The following COL16A1 variants were observed in gnomAD, a reference collection of about 807,000 sequenced individuals.
COL16A1 encodes the protein collagen type XVI alpha 1 chain.
In COL16A1, 189 loss-of-function variants were observed where a neutral mutation model predicts 266.3. The ratio of observed to expected loss-of-function variants is 0.71; its 90% CI spans 0.63 to 0.80. The LOEUF (loss-of-function observed/expected upper bound fraction) is 0.80, where lower values mean the gene tolerates loss of function less well. Among genes scored for constraint, COL16A1 ranks in the 30% least tolerant of loss-of-function variants. The pLI, the probability that COL16A1 is intolerant of heterozygous loss-of-function variation, is 0.00. For missense variants in COL16A1, 1,928 were observed against 2,122.4 expected (o/e 0.91, Z 1.80); for synonymous variants, 740 against 782.3 (o/e 0.95, Z 0.90).
intron 20 of COL16A1, 30 bp from the exon 21 acceptor site, chr1:31,690,603 G>C (rs1644217618): frequency 1.2e-6 from 2 of 1,611,442 alleles, no homozygotes; most frequent in Non-Finnish European, 1.7e-6. Context: ...TAAGCGGGGA[G>C]CCTTCTGGCC....
rs957230995 is a variant in COL16A1, at chr1:31,685,301, C to T, written c.2016+338G>A. Among the ~76,000 whole-genome samples, 1 of 152,178 alleles carries T rather than the reference C, an allele frequency of 6.6e-6. No homozygotes were observed. The highest frequency in any genetic ancestry group is 1.5e-5 in the Non-Finnish European group (1 of 68,032). ...TGTACCACTAAGCACTTCACACACG[C>T]CATTACTAGGCTTTACTCTGTGCAG... On this transcript the variant is annotated intron_variant, in intron 29 of 70. Coordinates refer to ENST00000373672, the MANE Select transcript of COL16A1 (RefSeq NM_001856.4). This position sits in a 1 kb window ranked among gnomAD's most constrained non-coding sequence, Gnocchi z 4.0.
chr1:31,668,556 C>T lies in COL16A1; in HGVS notation c.3249+246G>A, dbSNP rs186998368. Reference sequence around the variant, plus strand: ...AGGGAGGGAGGGGAGCCCCCAGGGACGCTGCTGGAGGACAGGGGCTGTGCA... The same window carrying T: ...AGGGAGGGAGGGGAGCCCCCAGGGATGCTGCTGGAGGACAGGGGCTGTGCA... On this transcript the variant is annotated intron_variant, in intron 50 of 70. Coordinates refer to ENST00000373672, the MANE Select transcript of COL16A1 (RefSeq NM_001856.4). This position sits in a 1 kb window ranked among gnomAD's most constrained non-coding sequence, Gnocchi z 5.8. Among the ~76,000 whole-genome samples the T allele has an allele frequency of 1.2e-3, 189 of 152,228 alleles. No homozygotes were observed. Among genetic ancestry groups the T allele is most frequent in the Middle Eastern group, 0.01 (3 of 294 alleles).
At position 31,695,192 on chromosome 1, in the gene COL16A1, G is replaced by A. The variant is rs1644442384; in HGVS notation, c.975C>T (p.Asp325=). The change falls in exon 11 of 71, where the codon GAC becomes GAT. Residue 325 remains aspartate (D), a synonymous_variant. Transcript: ENST00000373672. ...ECPPCVHGAR[D]SNVTLAPSGP... ...ACACCCTCCATTCACTCACATTGCTGTCCCGGGCACCATGGACACAGGGCG... is the reference window on the plus strand; with the variant it reads ...ACACCCTCCATTCACTCACATTGCTATCCCGGGCACCATGGACACAGGGCG... 6.2e-7 allele frequency: 1 copy of A among 1,613,858 alleles called. No individual in the cohort carries two copies. The highest frequency in any genetic ancestry group is 8.5e-7 in the Non-Finnish European group (1 of 1,179,980).
At chr1:31,673,242 A>G (rs1363950693) in intron 44 of COL16A1, 1 of 316,322 alleles carries the variant, frequency 3.2e-6, no homozygotes, top group East Asian at 8.7e-5. Flanking sequence ...AAGGGAGCAA[A>G]GGAACAGCTG....
rs1183266209 is a variant in COL16A1, at chr1:31,662,356, T to G, written c.3659A>C (p.Lys1220Thr). ...CACCCTCAAGCCAGGCTTGCCGTCCTTCCCATCCAAACCATCCAGACCGGC... is the reference window on the plus strand; with the variant it reads ...CACCCTCAAGCCAGGCTTGCCGTCCGTCCCATCCAAACCATCCAGACCGGC... ...GPAGLDGLDG[K>T]DGKPGLRGDP... The change falls in exon 58 of 71, where the codon AAG becomes ACG. Residue 1220 changes from lysine (K) to threonine (T), a missense_variant. Lys to Thr is a moderately conservative substitution (Grantham distance 78, BLOSUM62 -1). Transcript: ENST00000373672. 1.3e-6 allele frequency: 2 copies of G among 1,502,592 alleles called. No individual in the cohort carries two copies. Among genetic ancestry groups the G allele is most frequent in the Non-Finnish European group, 1.8e-6 (2 of 1,106,102 alleles). 93.1% of individuals were successfully genotyped at this position (1,502,592 alleles called of 1,614,324 possible).
intron 2 of COL16A1, among the ~76,000 whole-genome samples, chr1:31,701,745 A>G (rs1644731721): frequency 6.6e-6 from 1 of 152,108 alleles, no homozygotes; most frequent in Non-Finnish European, 1.5e-5. Context: ...GGGAGAGCTC[A>G]CTGCCTGTTC....
chr1:31,654,418 A>G (rs7538900), intron 68 of COL16A1, among the ~76,000 whole-genome samples: 80 of 152,228 alleles, frequency 5.3e-4, no homozygotes, highest in African/African-American at 1.9e-3. Context: ...TGGCACATCA[A>G]TGTTGGATGA....
At chr1:31,655,581 A>G in intron 66 of COL16A1, 79 bp from the exon 67 acceptor site, 1 of 1,574,132 alleles carries the variant, frequency 6.4e-7, no homozygotes, top group Non-Finnish European at 8.6e-7. Context: ...CCACCCTCCC[A>G]CCAGGCCCCC....
At chr1:31,660,693 T>C (rs1641576909) in intron 61 of COL16A1, 55 bp from the exon 62 acceptor site, 3 of 1,608,740 alleles carry the variant, frequency 1.9e-6, no homozygotes, top group South Asian at 1.1e-5. Context: ...GCTTGCACCA[T>C]GTGGCTGTCG....
intron 40 of COL16A1, 93 bp from the exon 41 acceptor site, chr1:31,679,944 G>A (rs1366666296): frequency 1.3e-6 from 2 of 1,564,626 alleles, no homozygotes; most frequent in African/African-American, 1.4e-5. Context: ...GCTGGCTGGG[G>A]TGCGTGGCCC....
chr1:31,699,456 G>A (rs1339522124), intron 4 of COL16A1, among the ~76,000 whole-genome samples: 1 of 152,136 alleles, frequency 6.6e-6, no homozygotes, highest in East Asian at 1.9e-4. Context: ...TGGGAATTTG[G>A]ACTTCACACA....
In COL16A1 at chr1:31,680,032, C is replaced by T. The variant is rs757255929; in HGVS notation, c.2670+10G>A. 9.5e-5 allele frequency: 153 copies of T among 1,613,534 alleles called. No homozygotes were observed. Among genetic ancestry groups the T allele is most frequent in the Admixed American group, 2.3e-4 (14 of 59,964 alleles). The stretch of plus-strand genomic sequence containing the variant: ...CCCAGTTGGGGGAAGGCTCTCACAG[C>T]GCCACTTACCGGCATGCCAGAGAAG... On this transcript the variant is annotated intron_variant, in intron 40 of 70. Transcript: ENST00000373672.
chr1:31,695,361 A>T, intron 10 of COL16A1, 140 bp from the exon 11 acceptor site: 2 of 830,038 alleles, frequency 2.4e-6, no homozygotes, highest in Non-Finnish European at 2.0e-6. Flanking sequence ...GGAATCCTAT[A>T]AAACAAGCCT....
In COL16A1 at chr1:31,700,132, AG is replaced by A. The variant is rs763198872; in HGVS notation, c.74-18del. On this transcript the variant is annotated intron_variant, in intron 2 of 70. Coordinates refer to ENST00000373672, the MANE Select transcript of COL16A1 (RefSeq NM_001856.4). ...ATTGTGCACCTAGAAGAGAAGGGGCAGGGGGGCATTAGGTGCGCTCAGGCCA... is the reference window on the plus strand; with the variant it reads ...ATTGTGCACCTAGAAGAGAAGGGGCAGGGGGCATTAGGTGCGCTCAGGCCA... 1 of 1,613,748 alleles carries A rather than the reference AG, an allele frequency of 6.2e-7. No individual in the cohort carries two copies.
chr1:31,696,038 AGAGGGCAGACT>A, intron 9 of COL16A1, 39 bp downstream of exon 9: 8 of 1,523,210 alleles, frequency 5.3e-6, no homozygotes, highest in Non-Finnish European at 7.3e-6. Flanking sequence ...ACAGGGGCAC[AGAGGGCAGACT>A]GAGGGCAGGT....
intron 61 of COL16A1, 137 bp from the exon 62 acceptor site, chr1:31,660,775 A>C: frequency 7.6e-7 from 1 of 1,315,116 alleles, no homozygotes; most frequent in Non-Finnish European, 1.0e-6. Flanking sequence ...CCCAGCCTCC[A>C]GACCCAAGTT....
In COL16A1 at chr1:31,668,629, C is replaced by T. The variant is rs1642358979; in HGVS notation, c.3249+173G>A. Among the ~76,000 whole-genome samples the T allele has an allele frequency of 6.6e-6, 1 of 152,104 alleles. No individual in the cohort carries two copies. The highest frequency in any genetic ancestry group is 2.4e-5 in the African/African-American group (1 of 41,418). On this transcript the variant is annotated intron_variant, in intron 50 of 70. Coordinates refer to ENST00000373672, the MANE Select transcript of COL16A1 (RefSeq NM_001856.4). This position sits in a 1 kb window ranked among gnomAD's most constrained non-coding sequence, Gnocchi z 5.8. ...CACATGGAGATCGGCCTCCTTTGCT[C>T]CTGGGGGAGTGTGGAAACCTCACAC...
chr1:31,655,066 C>T (rs1640998986), intron 67 of COL16A1, among the ~76,000 whole-genome samples: 1 of 150,070 alleles, frequency 6.7e-6, no homozygotes, highest in South Asian at 2.1e-4. Context: ...TCACAGCAAC[C>T]TCCGTAGATT....
Position 31,658,973 on chromosome 1 carries a change from A to T in COL16A1, c.3880-9T>A. 6.4e-7 allele frequency: 1 copy of T among 1,552,958 alleles called. No homozygotes were observed. Among genetic ancestry groups the T allele is most frequent in the Non-Finnish European group, 8.7e-7 (1 of 1,147,704 alleles). ...GGAGGCCCTGGTGGCCCCTAAAGAG[A>T]GATGAGTCAGTGGGATAGAAACAGG... is the stretch of plus-strand genomic sequence containing the variant. On this transcript the variant is annotated splice_polypyrimidine_tract_variant and intron_variant, in intron 62 of 70. Transcript: ENST00000373672.
Sources: gnomAD v4.1 joint callset for allele counts (sites outside exome capture counted in the v4.1 genomes callset) on GRCh38, gnomAD v4.1.1 for gene constraint, Gnocchi (gnomAD v3.1) non-coding constraint, MANE v1.5 for transcripts, NCBI Gene and HGNC (gene_info 2026-07-23, HGNC 2026-07-21) for gene names.